RBM19: variants seen among roughly 807,000 people sequenced by gnomAD.
RBM19 encodes RNA binding motif protein 19, also known as probable RNA-binding protein 19.
RBM19 carries 94 observed loss-of-function variants against 116.8 expected under a neutral mutation model. The ratio of observed to expected loss-of-function variants is 0.80; its 90% CI spans 0.68 to 0.95. RBM19 has a LOEUF of 0.95. Among genes scored for constraint, RBM19 ranks in the 40% least tolerant of loss-of-function variants. The pLI is 0.00. For missense variants in RBM19, 1,161 were observed against 1,220.7 expected, an observed-to-expected ratio of 0.95 and a Z score of 0.73; for synonymous variants, 475 against 494.1, an observed-to-expected ratio of 0.96 and a Z score of 0.51.
At chr12:113,871,889 C>A (rs1269832596) in intron 21 of RBM19, among the ~76,000 whole-genome samples, 2 of 152,078 alleles carry the variant, frequency 1.3e-5, no homozygotes, top group African/African-American at 4.8e-5. Context: ...GGGCAAGGAG[C>A]AGCCGCCTGC....
intron 23 of RBM19, among the ~76,000 whole-genome samples, chr12:113,827,251 G>A (rs1204209529): frequency 6.6e-6 from 1 of 152,140 alleles, no homozygotes; most frequent in Non-Finnish European, 1.5e-5. Context: ...TAAACAACAA[G>A]TGAATGTCAC....
chr12:113,878,404 T>C (rs964346160), intron 21 of RBM19, among the ~76,000 whole-genome samples: 15 of 152,270 alleles, frequency 9.9e-5, no homozygotes, highest in Admixed American at 5.2e-4. Context: ...TCATTAGGCC[T>C]CTCCACCTCT....
intron 14 of RBM19, among the ~76,000 whole-genome samples, chr12:113,941,266 T>A (rs1241274522): frequency 6.6e-6 from 1 of 152,080 alleles, no homozygotes; most frequent in East Asian, 1.9e-4. Context: ...GCTGGGCACC[T>A]GTGGGCCTTT....
rs552990305 is a variant in RBM19 at position 113,881,519 on chromosome 12, G to T, written c.2559-22623C>A. Among the ~76,000 whole-genome samples the T allele has an allele frequency of 3.9e-5, 6 of 152,290 alleles. No homozygotes were observed. In the East Asian group the frequency reaches 1.2e-3, roughly 29 times the overall value. On this transcript the variant is annotated intron_variant, in intron 21 of 23. Transcript: ENST00000261741. ...AATGGCAGGGACATCTACACCAAAC[G>T]TTGTCTTCCTCTGGCCACTAGTTAC...
chr12:113,964,368 GCCTGGCACA>G (rs1872714818), intron 1 of RBM19, among the ~76,000 whole-genome samples: 1 of 152,200 alleles, frequency 6.6e-6, no homozygotes, highest in South Asian at 2.1e-4. Context: ...CTGGAACAGT[GCCTGGCACA>G]CAGTAAACTC....
At chr12:113,914,946 T>C (rs1882679306) in intron 21 of RBM19, 23 bp downstream of exon 21, 1 of 1,594,742 alleles carries the variant, frequency 6.3e-7, no homozygotes, top group Non-Finnish European at 8.6e-7. Flanking sequence ...GCCAGTCCCC[T>C]GGACTAAACC....
chr12:113,832,063 C>A (rs2135694874), intron 23 of RBM19, among the ~76,000 whole-genome samples: 1 of 152,320 alleles, frequency 6.6e-6, no homozygotes, highest in African/African-American at 2.4e-5. Flanking sequence ...GCTGAGATAG[C>A]CAGGGGTGTG....
intron 1 of RBM19, among the ~76,000 whole-genome samples, chr12:113,963,037 A>C (rs1566047528): frequency 6.6e-6 from 1 of 152,186 alleles, no homozygotes; most frequent in East Asian, 1.9e-4. Context: ...CCAAATATGG[A>C]GTATATAGCT....
intron 21 of RBM19, among the ~76,000 whole-genome samples, chr12:113,894,923 C>T (rs1263609825): frequency 1.3e-5 from 2 of 152,202 alleles, no homozygotes; most frequent in Non-Finnish European, 2.9e-5. Context: ...TGTCCTTCAC[C>T]TGAGCAAAGC....
chr12:113,962,295 C>T lies in RBM19; in HGVS notation c.156G>A (p.Glu52=). The T allele has an allele frequency of 6.2e-7, 1 of 1,614,230 alleles. No individual in the cohort carries two copies. The highest frequency in any genetic ancestry group is 8.5e-7 in the Non-Finnish European group (1 of 1,180,048). ...GCTTCTGTGCCTTCTGGGCCTCTTC[C>T]TCGGACTTGAAGCCAATAAAACCAA... ...RKFGFIGFKS[E]EEAQKAQKHF... Residue 52 remains glutamate (E), a synonymous_variant, in exon 2 of 24, where the codon GAG becomes GAA. Coordinates refer to ENST00000261741, the MANE Select transcript of RBM19 (RefSeq NM_016196.4).
At chr12:113,938,356 G>A (rs1245754742) in intron 15 of RBM19, among the ~76,000 whole-genome samples, 1 of 152,108 alleles carries the variant, frequency 6.6e-6, no homozygotes, top group African/African-American at 2.4e-5. Flanking sequence ...CGGGGTTAAA[G>A]TGGCAGAGAA....
chr12:113,962,389 A>C lies in RBM19; in HGVS notation c.62T>G (p.Leu21Arg). 1.1e-5 allele frequency: 17 copies of C among 1,614,082 alleles called. No individual in the cohort carries two copies. The highest frequency in any genetic ancestry group is 1.4e-5 in the Non-Finnish European group (17 of 1,179,878). ...NGMKEERFRQ[L>R]FAAFGTLTDC... The stretch of plus-strand genomic sequence containing the variant: ...TGTCAGCGTGCCGAAGGCGGCAAAC[A>C]GCTGCCTGAAACGCTCCTCCTTCAT... Residue 21 changes from leucine to arginine, a missense_variant, in exon 2 of 24, where the codon CTG (leucine) becomes CGG (arginine). Leu to Arg is a moderately radical substitution (Grantham distance 102). Transcript: ENST00000261741.
chr12:113,928,407 T>C (rs987268120), intron 16 of RBM19, among the ~76,000 whole-genome samples: 6 of 94,504 alleles, frequency 6.3e-5, no homozygotes, highest in Admixed American at 1.2e-4. Context: ...TGAGAAAACA[T>C]ACATGTGCAT....
At chr12:113,905,332 A>G (rs67207218) in intron 21 of RBM19, among the ~76,000 whole-genome samples, 29,738 of 152,236 alleles carry the variant, frequency 0.2, 2,989 homozygotes, top group Non-Finnish European at 0.24. Flanking sequence ...GACAAAATCA[A>G]TGCTGCAGAG....
intron 21 of RBM19, among the ~76,000 whole-genome samples, chr12:113,879,446 T>TATATATAC (rs893952657): frequency 1.4e-5 from 2 of 142,332 alleles, no homozygotes; most frequent in East Asian, 3.0e-4. Context: ...TATATATATA[T>TATATATAC]ATATGGACTT....
rs765920936 is a variant in RBM19 at position 113,927,167 on chromosome 12, C to T, written c.2131G>A (p.Ala711Thr). 5.0e-6 allele frequency: 8 copies of T among 1,599,404 alleles called. No homozygotes were observed. In the East Asian group the frequency reaches 1.8e-4, roughly 36 times the overall value. The change falls in exon 17 of 24, where the codon GCA becomes ACA. Residue 711 changes from alanine to threonine, a missense_variant. Transcript: ENST00000261741. Reference sequence around the variant, plus strand: ...TCCTCCTCCTCCTCTTCCATCTTTGCTGAAGAGTTGTCTGCTCCTTCCTCT... The same window carrying T: ...TCCTCCTCCTCCTCTTCCATCTTTGTTGAAGAGTTGTCTGCTCCTTCCTCT... Reference protein sequence around the residue: ...PTEEGADNSSAKMEEEEEEEE... With the variant: ...PTEEGADNSSTKMEEEEEEEE...
intron 2 of RBM19, among the ~76,000 whole-genome samples, chr12:113,961,667 G>A (rs915586197): frequency 6.6e-6 from 1 of 152,218 alleles, no homozygotes; most frequent in African/African-American, 2.4e-5. Context: ...AGTGACCTGA[G>A]TGGAGCCCAC....
chr12:113,918,472 A>G (rs1394335951), intron 19 of RBM19, 25 bp from the exon 20 acceptor site: 23 of 1,612,334 alleles, frequency 1.4e-5, no homozygotes, highest in Non-Finnish European at 1.7e-5. Flanking sequence ...AACATGGCTC[A>G]TCTCTCTGTC....
chr12:113,892,974 C>T (rs1328457665), intron 21 of RBM19, among the ~76,000 whole-genome samples: 1 of 151,044 alleles, frequency 6.6e-6, no homozygotes, highest in Non-Finnish European at 1.5e-5. Flanking sequence ...GTCTTTTTTT[C>T]TATGCATATA....
Sources: allele counts gnomAD v4.1 joint callset (sites outside exome capture counted in the v4.1 genomes callset), GRCh38; gene constraint gnomAD v4.1.1; transcripts MANE v1.5; gene names NCBI Gene and HGNC (gene_info 2026-07-23, HGNC 2026-07-21).